PRRC2A: variants seen among roughly 807,000 people sequenced by gnomAD.
The protein encoded by PRRC2A is proline rich coiled-coil 2A, also known as protein PRRC2A.
Under a neutral mutation model 224.6 loss-of-function variants are expected in PRRC2A, and 59 were observed. That is an observed-to-expected ratio of 0.26 (90% CI 0.21 to 0.33). The LOEUF is 0.33. Among genes scored for constraint, PRRC2A ranks in the 10% least tolerant of loss-of-function variants. The pLI, the probability that PRRC2A is intolerant of heterozygous loss-of-function variation, is 1.00. For missense variants in PRRC2A, 3,095 were observed against 2,880.7 expected (o/e 1.07, Z -1.70); for synonymous variants, 1,194 against 1,109.5 (o/e 1.08, Z -1.51).
At chr6:31,621,645 A>T (rs1430415781) in intron 1 of PRRC2A, among the ~76,000 whole-genome samples, 1 of 152,214 alleles carries the variant, frequency 6.6e-6, no homozygotes, top group Non-Finnish European at 1.5e-5. Flanking sequence ...CCTACGAAGC[A>T]ACATCCATCT....
At chr6:31,623,246 A>T in intron 2 of PRRC2A, 1 of 524,168 alleles carries the variant, frequency 1.9e-6, no homozygotes, top group Non-Finnish European at 3.5e-6. Flanking sequence ...CCTTCTTGAT[A>T]GGGATTTCAT....
chr6:31,635,172 G>A lies in PRRC2A; in HGVS notation c.5201G>A (p.Gly1734Asp). ...REQPLPPGPI[G>D]TERSQRTDRG... ...CAGCCTCTGCCCCCTGGCCCCATTG[G>A]CACAGAACGATCACAGCGTACAGAC... The change falls in exon 22 of 31, where the codon GGC (glycine) becomes GAC (aspartate). Residue 1734 changes from glycine to aspartate, a missense_variant. This residue lies in a region of PRRC2A where 662 missense variants were observed against 609.5 expected (regional missense o/e 1.09). Coordinates refer to ENST00000376033, the MANE Select transcript of PRRC2A (RefSeq NM_004638.4). 6.2e-7 allele frequency: 1 copy of A among 1,612,838 alleles called. No individual in the cohort carries two copies. Among genetic ancestry groups the A allele is most frequent in the Non-Finnish European group, 8.5e-7 (1 of 1,178,838 alleles).
intron 12 of PRRC2A, chr6:31,628,645 C>A: frequency 4.2e-6 from 1 of 240,478 alleles, no homozygotes; most frequent in Non-Finnish European, 8.0e-6. Flanking sequence ...AGTTCAAGAT[C>A]AGCCTGGCCA....
At position 31,626,017 on chromosome 6, in the gene PRRC2A, C is replaced by T; in HGVS notation, c.840-3C>T. On this transcript the variant is annotated splice_region_variant and splice_polypyrimidine_tract_variant and intron_variant, in intron 8 of 30. Transcript: ENST00000376033. ...CATATTTCATTTTCTTTTTTGTGTA[C>T]AGCCGTTTTCCCCGTGTGGCGGGCC... The T allele has an allele frequency of 2.5e-6, 4 of 1,611,396 alleles. No homozygotes were observed. The highest frequency in any genetic ancestry group is 3.4e-6 in the Non-Finnish European group (4 of 1,179,440).
intron 12 of PRRC2A, 113 bp downstream of exon 12, chr6:31,628,352 T>C: frequency 1.4e-6 from 2 of 1,432,894 alleles, no homozygotes; most frequent in Non-Finnish European, 1.8e-6. Flanking sequence ...TGTTTTGGTT[T>C]ATTGGACTAT....
chr6:31,634,039 ATTC>A (rs773618487), intron 18 of PRRC2A, 50 bp downstream of exon 18: 2 of 1,587,972 alleles, frequency 1.3e-6, no homozygotes, highest in Non-Finnish European at 1.7e-6. Flanking sequence ...ACTCGTGAAA[ATTC>A]TTCTGGGTTA....
chr6:31,627,631 C>T lies in PRRC2A; in HGVS notation c.1291-134C>T. On this transcript the variant is annotated intron_variant, in intron 11 of 30. Transcript: ENST00000376033. The surrounding 1 kb of genome is among the most constrained non-coding windows in gnomAD (Gnocchi z 5.6). ...GAAGACCAGGATAATGAGTTTGTCA[C>T]CACCCAGAGAGATCAACCCCAAAGC... is the stretch of plus-strand genomic sequence containing the variant. The T allele has an allele frequency of 8.6e-7, 1 of 1,161,644 alleles. No individual in the cohort carries two copies. Among genetic ancestry groups the T allele is most frequent in the African/African-American group, 1.6e-5 (1 of 64,390 alleles). 72.0% of individuals were successfully genotyped at this position (1,161,644 alleles called of 1,614,324 possible).
Position 31,632,412 on chromosome 6 carries a change from A to G in PRRC2A, c.3739A>G (p.Arg1247Gly), listed in dbSNP as rs756449094. 2.5e-6 allele frequency: 4 copies of G among 1,608,854 alleles called. No homozygotes were observed. The African/African-American group carries it at 4.0e-5, about 16-fold the overall frequency. The change falls in exon 16 of 31, where the codon AGG becomes GGG. Residue 1247 changes from arginine (R) to glycine (G), a missense_variant. Coordinates refer to ENST00000376033, the MANE Select transcript of PRRC2A (RefSeq NM_004638.4). ...GCGACCCCGAAGGAGGCGACATGGG[A>G]GGGCTCAGCAGCAGGATAAACCGCC... ...GERPRRRRHGRAQQQDKPPRF... is the reference protein window; with the variant it reads ...GERPRRRRHGGAQQQDKPPRF...
Position 31,634,994 on chromosome 6 carries a change from G to A in PRRC2A, c.5160+17G>A, listed in dbSNP as rs1777148949. 2 of 1,608,204 alleles carry A rather than the reference G, an allele frequency of 1.2e-6. No homozygotes were observed. Among genetic ancestry groups the A allele is most frequent in the Non-Finnish European group, 1.7e-6 (2 of 1,176,284 alleles). On this transcript the variant is annotated intron_variant, in intron 21 of 30. Transcript: ENST00000376033. ...GACAGAAAGGTAAAAGACCAAAAAA[G>A]GATAAGGGGAATGTTTCCAGGAATC...
chr6:31,634,447 T>C (rs1431191231), intron 19 of PRRC2A, 25 bp from the exon 20 acceptor site: 7 of 1,612,764 alleles, frequency 4.3e-6, no homozygotes, highest in Non-Finnish European at 5.9e-6. Context: ...CTCACTTCTC[T>C]TCTGGTTGGT....
At chr6:31,637,211 C>T (rs752591818) in intron 29 of PRRC2A, 23 bp from the exon 30 acceptor site, 2 of 1,606,550 alleles carry the variant, frequency 1.2e-6, no homozygotes, top group South Asian at 1.1e-5. Flanking sequence ...CTAGGCTTGC[C>T]TTAGACGCCC....
In PRRC2A at chr6:31,634,906, C is replaced by T; in HGVS notation, c.5089C>T (p.Pro1697Ser). The change falls in exon 21 of 31, where the codon CCT becomes TCT. Residue 1697 changes from proline to serine, a missense_variant. Physicochemically the swap from Pro to Ser is moderately conservative, Grantham distance 74. Transcript: ENST00000376033. ...PGGSSPLNAV[P>S]CEGPPGSEPP... ...AGGCTCCTCACCCCTGAATGCTGTT[C>T]CTTGTGAGGGTCCACCTGGCTCTGA... 1 of 1,613,010 alleles carries T rather than the reference C, an allele frequency of 6.2e-7. No individual in the cohort carries two copies. The highest frequency in any genetic ancestry group is 1.1e-5 in the South Asian group (1 of 91,088).
At position 31,635,383 on chromosome 6, in the gene PRRC2A, T is replaced by G; in HGVS notation, c.5302-11T>G. 6.2e-7 allele frequency: 1 copy of G among 1,614,206 alleles called. No individual in the cohort carries two copies. The highest frequency in any genetic ancestry group is 8.5e-7 in the Non-Finnish European group (1 of 1,180,012). On this transcript the variant is annotated splice_polypyrimidine_tract_variant and intron_variant, in intron 22 of 30. Coordinates refer to ENST00000376033, the MANE Select transcript of PRRC2A (RefSeq NM_004638.4). ...CACGGGACAATGTCTCCTGCCTTCT[T>G]GTGATCACAGGACTCAGACTTACGC...
At chr6:31,628,831 ACT>A (rs1031339248) in intron 12 of PRRC2A, 11 of 352,836 alleles carry the variant, frequency 3.1e-5, no homozygotes, top group Admixed American at 9.0e-5. Flanking sequence ...ACAGAGCAAG[ACT>A]CTGTCTCAAA....
In PRRC2A at chr6:31,626,907, G is replaced by C. The variant is rs560826659; in HGVS notation, c.1073+45G>C. 497 of 1,613,072 alleles carry C rather than the reference G, an allele frequency of 3.1e-4. 1 individual carries two copies. Among genetic ancestry groups the C allele is most frequent in the South Asian group, 9.6e-4 (87 of 91,046 alleles). ...GGAGAAGAGGAGGGGGTCTTGGTTT[G>C]TATTTTGGTAATATACTCTTAGAGG... On this transcript the variant is annotated intron_variant, in intron 10 of 30. Coordinates refer to ENST00000376033, the MANE Select transcript of PRRC2A (RefSeq NM_004638.4).
At chr6:31,621,266 C>T (rs1583170425) in intron 1 of PRRC2A, among the ~76,000 whole-genome samples, 2 of 151,922 alleles carry the variant, frequency 1.3e-5, no homozygotes, top group South Asian at 4.2e-4. Flanking sequence ...CCATATTGGA[C>T]CCCCTCCTAT....
intron 3 of PRRC2A, 44 bp from the exon 4 acceptor site, chr6:31,624,213 CAGGG>C: frequency 6.4e-7 from 1 of 1,552,038 alleles, no homozygotes; most frequent in African/African-American, 1.4e-5. Context: ...TTGGAGAAGT[CAGGG>C]AGGCATCTCA....
chr6:31,630,785 G>A lies in PRRC2A; in HGVS notation c.2449G>A (p.Asp817Asn). 1 of 1,614,184 alleles carries A rather than the reference G, an allele frequency of 6.2e-7. No homozygotes were observed. The highest frequency in any genetic ancestry group is 8.5e-7 in the Non-Finnish European group (1 of 1,180,032). The change falls in exon 15 of 31, where the codon GAT becomes AAT. Residue 817 changes from aspartate to asparagine, a missense_variant. Around this residue, in one of 8 missense-constraint regions of PRRC2A, gnomAD observed 2,001 missense variants for 1,764.9 expected, o/e 1.13. Coordinates refer to ENST00000376033, the MANE Select transcript of PRRC2A (RefSeq NM_004638.4). Reference sequence around the variant, plus strand: ...ACCTCTGCGCCAGGCTGCGGATGAGGATGACAAGGGGATGAGGTGAGTCTT... The same window carrying A: ...ACCTCTGCGCCAGGCTGCGGATGAGAATGACAAGGGGATGAGGTGAGTCTT... ...TSPLRQAADE[D>N]DKGMRSETPP...
rs1417387294 is a variant in PRRC2A at position 31,626,766 on chromosome 6, C to T, written c.983-6C>T. On this transcript the variant is annotated splice_region_variant and splice_polypyrimidine_tract_variant and intron_variant, in intron 9 of 30. Coordinates refer to ENST00000376033, the MANE Select transcript of PRRC2A (RefSeq NM_004638.4). The stretch of plus-strand genomic sequence containing the variant: ...TTGGGTTACTAATACTCATATTTCC[C>T]CTCAGGGGCCCATGAAGAGGTTGAC... 3 of 1,569,130 alleles carry T rather than the reference C, an allele frequency of 1.9e-6. No individual in the cohort carries two copies. The highest frequency in any genetic ancestry group is 1.7e-4 in the Middle Eastern group (1 of 6,002).
Sources: gnomAD v4.1 joint callset for allele counts (sites outside exome capture counted in the v4.1 genomes callset) on GRCh38, gnomAD v4.1.1 for gene constraint, gnomAD v4.1.1 regional missense constraint, Gnocchi (gnomAD v3.1) non-coding constraint, MANE v1.5 for transcripts, NCBI Gene and HGNC (gene_info 2026-07-23, HGNC 2026-07-21) for gene names.